PCDHA6: variants seen among roughly 807,000 people sequenced by gnomAD.
The protein encoded by PCDHA6 is protocadherin alpha-6.
PCDHA6 carries 55 observed loss-of-function variants against 60.3 expected under a neutral mutation model. That is an observed-to-expected ratio of 0.91 (90% CI 0.73 to 1.14). The LOEUF (loss-of-function observed/expected upper bound fraction) is 1.14. Ranked by LOEUF, PCDHA6 falls within the 50% of genes most tolerant of loss-of-function variation. The probability of loss-of-function intolerance (pLI) is 0.00; values close to 1 mark genes in which losing one functional copy is unlikely to be tolerated. For missense variants in PCDHA6, 1,327 were observed against 1,256.5 expected (o/e 1.06, Z -0.85); for synonymous variants, 652 against 557.9 (o/e 1.17, Z -2.38).
intron 1 of PCDHA6, chr5:140,969,344 T>G: frequency 6.2e-7 from 1 of 1,613,664 alleles, no homozygotes; most frequent in Non-Finnish European, 8.5e-7. Context: ...GAGACAGTGG[T>G]CAGGGGGTCT....
At position 140,871,031 on chromosome 5, in the gene PCDHA6, G is replaced by A. The variant is rs543880939; in HGVS notation, c.2394+40546G>A. ...GCCCTGGACGAGGCAGACTCGCCGC[G>A]CCACCGACTTCTAGTACTGGTGAAG... is the stretch of plus-strand genomic sequence containing the variant. On this transcript the variant is annotated intron_variant, in intron 1 of 3. Coordinates refer to ENST00000529310, the MANE Select transcript of PCDHA6 (RefSeq NM_018909.4). 3.2e-5 allele frequency: 52 copies of A among 1,613,210 alleles called. 1 individual carries two copies. In the South Asian group the frequency reaches 4.7e-4, roughly 15 times the overall value.
intron 1 of PCDHA6, chr5:140,865,436 C>T (rs544302848): frequency 5.3e-5 from 8 of 152,322 alleles, no homozygotes; most frequent in Admixed American, 5.2e-4. Context: ...AGAAAAATAA[C>T]TTCTGAGAAG....
intron 1 of PCDHA6, chr5:140,869,835 A>T (rs782478328): frequency 1.2e-6 from 2 of 1,611,774 alleles, no homozygotes; most frequent in South Asian, 2.2e-5. Context: ...AGTTTGATAA[A>T]TCAGAATATA....
intron 1 of PCDHA6, among the ~76,000 whole-genome samples, chr5:140,906,853 T>C (rs576448914): frequency 1.3e-5 from 2 of 152,170 alleles, no homozygotes; most frequent in Non-Finnish European, 2.9e-5. Flanking sequence ...AGAGTCTGGG[T>C]CAGTCACCCC....
rs2150156019 is a variant in PCDHA6 at position 140,828,493 on chromosome 5, G to A, written c.402G>A (p.Pro134=). 45 of 1,614,112 alleles carry A rather than the reference G, an allele frequency of 2.8e-5. No individual in the cohort carries two copies. In the Middle Eastern group the frequency reaches 8.2e-4, roughly 29 times the overall value. ...TTAACGACAACCCGCCCTTGTTCCC[G>A]GTAGAGGAACAAAGAGTGCTGATTT... ...RDINDNPPLF[P]VEEQRVLIYE... is the part of the protein sequence containing the mutation. The change falls in exon 1 of 4, where the codon CCG becomes CCA. Residue 134 remains proline (P), a synonymous_variant. Transcript: ENST00000529310.
At chr5:140,855,253 C>A (rs2043395056) in intron 1 of PCDHA6, among the ~76,000 whole-genome samples, 2 of 149,832 alleles carry the variant, frequency 1.3e-5, no homozygotes, top group South Asian at 4.2e-4. Flanking sequence ...CAAGCACTTA[C>A]TATATTATAA....
intron 1 of PCDHA6, among the ~76,000 whole-genome samples, chr5:140,907,240 A>G (rs563432322): frequency 5.3e-5 from 8 of 152,310 alleles, no homozygotes; most frequent in Admixed American, 5.2e-4. Context: ...CCTAGTTGAC[A>G]TTGTAATTGT....
At chr5:140,872,661 TA>T (rs1211452464) in intron 1 of PCDHA6, among the ~76,000 whole-genome samples, 12 of 152,166 alleles carry the variant, frequency 7.9e-5, no homozygotes, top group African/African-American at 2.9e-4. Flanking sequence ...ATTTGTCAAC[TA>T]TTGGATACTC....
intron 1 of PCDHA6, among the ~76,000 whole-genome samples, chr5:140,846,179 C>T (rs1250648449): frequency 1.3e-5 from 2 of 149,312 alleles, no homozygotes; most frequent in African/African-American, 4.9e-5. Flanking sequence ...CCTGAGTAGG[C>T]GTTTGAGTTC....
intron 2 of PCDHA6, among the ~76,000 whole-genome samples, chr5:140,980,255 C>T (rs782489996): frequency 2.0e-4 from 31 of 152,210 alleles, no homozygotes; most frequent in Middle Eastern, 3.2e-3. Flanking sequence ...TGGGTAAAAG[C>T]ATGGTTTACA....
At chr5:140,929,192 A>C (rs1367500775) in intron 1 of PCDHA6, 1 of 1,614,124 alleles carries the variant, frequency 6.2e-7, no homozygotes, top group Non-Finnish European at 8.5e-7. Context: ...TCTGATAATA[A>C]CAGTTTGCTG....
intron 2 of PCDHA6, among the ~76,000 whole-genome samples, chr5:140,980,712 T>G (rs4404731): frequency 0.013 from 1,940 of 152,272 alleles, 50 homozygotes; most frequent in African/African-American, 0.045. Context: ...GTGCTCCTAT[T>G]CGGGTTTCAA....
rs574473083 is a variant in PCDHA6, at chr5:140,908,105, C to T, written c.2395-70844C>T. ...CAGGTGCACTGATTGAAGTTCTGTC[C>T]ACTGGGAAGATTTCCCTTCACTGCT... is the stretch of plus-strand genomic sequence containing the variant. On this transcript the variant is annotated intron_variant, in intron 1 of 3. Coordinates refer to ENST00000529310, the MANE Select transcript of PCDHA6 (RefSeq NM_018909.4). Among the ~76,000 whole-genome samples the T allele has an allele frequency of 5.3e-5, 8 of 152,304 alleles. No individual in the cohort carries two copies. In the East Asian group the frequency reaches 1.4e-3, roughly 26 times the overall value.
Position 140,883,366 on chromosome 5 carries a change from C to A in PCDHA6, c.2394+52881C>A, listed in dbSNP as rs34923516. 1.2e-5 allele frequency: 19 copies of A among 1,614,056 alleles called. No individual in the cohort carries two copies. In the African/African-American group the frequency reaches 2.4e-4, roughly 20 times the overall value. On this transcript the variant is annotated intron_variant, in intron 1 of 3. Transcript: ENST00000529310. ...CCATCAGAGAAGACACTCAGCCTAGCGCCATTATTGCCCTAATCAGTGTGT... is the reference window on the plus strand; with the variant it reads ...CCATCAGAGAAGACACTCAGCCTAGAGCCATTATTGCCCTAATCAGTGTGT...
intron 1 of PCDHA6, chr5:140,841,078 T>C: frequency 3.8e-6 from 2 of 527,688 alleles, no homozygotes; most frequent in Non-Finnish European, 6.6e-6. Flanking sequence ...AAATAGAAAG[T>C]GCATAGAAGA....
intron 1 of PCDHA6, chr5:140,850,332 C>T (rs1349532162): frequency 1.3e-6 from 2 of 1,597,432 alleles, no homozygotes; most frequent in Admixed American, 1.7e-5. Context: ...CGAGCTGCAG[C>T]CAGAAACGGC....
intron 1 of PCDHA6, chr5:140,870,538 C>T (rs539269989): frequency 6.2e-7 from 1 of 1,614,154 alleles, no homozygotes; most frequent in African/African-American, 1.3e-5. Flanking sequence ...AGTGTCGGCG[C>T]GGGACGCGGA....
intron 1 of PCDHA6, among the ~76,000 whole-genome samples, chr5:140,950,405 T>G (rs1258791881): frequency 3.3e-5 from 5 of 152,042 alleles, no homozygotes; most frequent in African/African-American, 1.2e-4. Flanking sequence ...TCTGGGGGAT[T>G]GACAGATTTT....
At chr5:140,901,474 T>C (rs2068694853) in intron 1 of PCDHA6, among the ~76,000 whole-genome samples, 1 of 152,216 alleles carries the variant, frequency 6.6e-6, no homozygotes, top group Admixed American at 6.5e-5. Context: ...CTCGAGTTTA[T>C]GTTCTTGGCA....
Sources: gnomAD v4.1 joint callset for allele counts (sites outside exome capture counted in the v4.1 genomes callset) on GRCh38, gnomAD v4.1.1 for gene constraint, MANE v1.5 for transcripts, NCBI Gene and HGNC (gene_info 2026-07-23, HGNC 2026-07-21) for gene names.